NCAM1: variants seen among roughly 807,000 people sequenced by gnomAD.
The protein encoded by NCAM1 is antigen recognized by monoclonal antibody 5.1H11.
A neutral mutation model predicts 109.8 loss-of-function variants in NCAM1; 14 were observed. That is an observed-to-expected ratio of 0.13 (90% confidence interval 0.08 to 0.20). The LOEUF is 0.20. Ranked by LOEUF, NCAM1 falls within the 10% of genes least tolerant of loss-of-function variation. The pLI is 1.00. For synonymous variants in NCAM1, 418 were observed against 442.9 expected (o/e 0.94, Z 0.70); for missense variants, 774 against 1,109.9 (o/e 0.70, Z 4.30).
At chr11:113,047,285 T>C (rs1315992890) in intron 1 of NCAM1, among the ~76,000 whole-genome samples, 2 of 151,920 alleles carry the variant, frequency 1.3e-5, no homozygotes, top group Non-Finnish European at 2.9e-5. Flanking sequence ...CTCCATGTAA[T>C]AAAATCATGA....
intron 1 of NCAM1, among the ~76,000 whole-genome samples, chr11:113,123,959 A>G (rs1261877): frequency 0.75 from 114,104 of 151,970 alleles, 43,207 homozygotes; most frequent in Middle Eastern, 0.87. Context: ...TTGCCTGCTC[A>G]GGGTGGTTGG....
At position 113,273,003 on chromosome 11, in the gene NCAM1, G is replaced by T. The variant is rs1555125794; in HGVS notation, c.2456+1127G>T. The T allele has an allele frequency of 2.2e-6, 1 of 456,830 alleles. No individual in the cohort carries two copies. Among genetic ancestry groups the T allele is most frequent in the Admixed American group, 2.3e-5 (1 of 42,578 alleles). The allele number at this position is 456,830 out of a possible 1,614,324, so 28.3% of individuals were successfully genotyped here. ...TGTCACCACCGTCACCACTAACTCTGACACTATCACCGAAACCTTTGCCAC... is the reference window on the plus strand; with the variant it reads ...TGTCACCACCGTCACCACTAACTCTTACACTATCACCGAAACCTTTGCCAC... On this transcript the variant is annotated intron_variant, in intron 19 of 19. Transcript: ENST00000316851. The surrounding 1 kb of genome is among the most constrained non-coding windows in gnomAD (Gnocchi z 6.0).
intron 2 of NCAM1, among the ~76,000 whole-genome samples, chr11:113,203,825 C>A (rs1464431359): frequency 6.6e-6 from 1 of 152,222 alleles, no homozygotes; most frequent in Non-Finnish European, 1.5e-5. Context: ...GTATTTCTCG[C>A]CTTCATCTCA....
intron 1 of NCAM1, among the ~76,000 whole-genome samples, chr11:113,184,888 T>C (rs1313205535): frequency 6.6e-6 from 1 of 152,046 alleles, no homozygotes; most frequent in African/African-American, 2.4e-5. Flanking sequence ...TTTTATATTA[T>C]ATCCATTTTG....
In NCAM1 at chr11:113,015,879, A is replaced by G. The variant is rs143241728; in HGVS notation, c.52+54215A>G. ...GTGCCTCTGTCTTAGGATGTTTGTCATAAAAGGAGGGCATAGAGAAGAATG... is the reference window on the plus strand; with the variant it reads ...GTGCCTCTGTCTTAGGATGTTTGTCGTAAAAGGAGGGCATAGAGAAGAATG... On this transcript the variant is annotated intron_variant, in intron 1 of 19. Transcript: ENST00000316851. Among the ~76,000 whole-genome samples, 214 of 152,308 alleles carry G rather than the reference A, an allele frequency of 1.4e-3. 2 individuals carry two copies. The highest frequency in any genetic ancestry group is 5.0e-3 in the African/African-American group (209 of 41,556).
chr11:113,103,136 G>C (rs1206760886), intron 1 of NCAM1, among the ~76,000 whole-genome samples: 1 of 152,134 alleles, frequency 6.6e-6, no homozygotes, highest in African/African-American at 2.4e-5. Context: ...TAGCACTTTG[G>C]CTGTTGTCAG....
rs565028725 is a variant in NCAM1, at chr11:113,239,278, G to T, written c.1825+4114G>T. Among the ~76,000 whole-genome samples, 16 of 152,254 alleles carry T rather than the reference G, an allele frequency of 1.1e-4. No homozygotes were observed. In the South Asian group the frequency reaches 3.3e-3, roughly 32 times the overall value. ...TATTTTTTAAGCCAAATGTCTGCAT[G>T]CCATCAAGACACTCAGGAGGAAAGC... On this transcript the variant is annotated intron_variant, in intron 14 of 19. Transcript: ENST00000316851.
intron 1 of NCAM1, among the ~76,000 whole-genome samples, chr11:113,001,022 C>T (rs1394782758): frequency 6.6e-6 from 1 of 151,974 alleles, no homozygotes; most frequent in Non-Finnish European, 1.5e-5. Flanking sequence ...CGTGCTGCCC[C>T]AAATCCCAAA....
At chr11:113,110,885 G>A (rs2135951847) in intron 1 of NCAM1, among the ~76,000 whole-genome samples, 1 of 152,202 alleles carries the variant, frequency 6.6e-6, no homozygotes, top group Middle Eastern at 3.4e-3. Flanking sequence ...CCTCAGTAAT[G>A]GTAGTACTAA....
intron 1 of NCAM1, among the ~76,000 whole-genome samples, chr11:113,040,432 G>A (rs530890108): frequency 4.6e-5 from 7 of 152,250 alleles, no homozygotes; most frequent in Admixed American, 3.3e-4. Flanking sequence ...TCAGTAATGG[G>A]CAAATTGTAA....
intron 8 of NCAM1, among the ~76,000 whole-genome samples, chr11:113,220,346 C>A (rs1227541138): frequency 6.6e-6 from 1 of 152,164 alleles, no homozygotes; most frequent in Non-Finnish European, 1.5e-5. Context: ...CTGTTAAGGA[C>A]TGGAGCCCTC....
At chr11:113,219,599 C>G (rs1022186461) in intron 8 of NCAM1, among the ~76,000 whole-genome samples, 1 of 152,098 alleles carries the variant, frequency 6.6e-6, no homozygotes, top group Non-Finnish European at 1.5e-5. Flanking sequence ...TTGTTAGGGC[C>G]GAGATATTTC....
chr11:113,259,266 T>C (rs1426345314), intron 16 of NCAM1, among the ~76,000 whole-genome samples: 2 of 151,864 alleles, frequency 1.3e-5, no homozygotes, highest in Non-Finnish European at 2.9e-5. Context: ...TTAGCCGGGA[T>C]GGTCTCGATC....
At chr11:113,063,583 G>A (rs1175862742) in intron 1 of NCAM1, among the ~76,000 whole-genome samples, 1 of 152,164 alleles carries the variant, frequency 6.6e-6, no homozygotes, top group Non-Finnish European at 1.5e-5. Context: ...CAGTTCTCAT[G>A]GCACTGAGGA....
intron 1 of NCAM1, among the ~76,000 whole-genome samples, chr11:113,170,977 T>G (rs1390682863): frequency 6.6e-6 from 1 of 152,198 alleles, no homozygotes; most frequent in Non-Finnish European, 1.5e-5. Flanking sequence ...TAAAATACAG[T>G]GACTTGATCT....
At chr11:113,216,241 T>TG (rs1330440860) in intron 8 of NCAM1, among the ~76,000 whole-genome samples, 5 of 138,922 alleles carry the variant, frequency 3.6e-5, no homozygotes, top group Admixed American at 2.4e-4. Flanking sequence ...CTCCGCCCCC[T>TG]GGGGTTCCCG....
intron 1 of NCAM1, among the ~76,000 whole-genome samples, chr11:113,070,083 G>C (rs1938189719): frequency 6.6e-6 from 1 of 152,112 alleles, no homozygotes; most frequent in South Asian, 2.1e-4. Flanking sequence ...GGAGGGGAGT[G>C]GTTCAGGCTG....
chr11:113,124,312 G>A (rs1941090537), intron 1 of NCAM1, among the ~76,000 whole-genome samples: 1 of 152,154 alleles, frequency 6.6e-6, no homozygotes. Flanking sequence ...TCAATCATTA[G>A]TACTCTGTAG....
In NCAM1 at chr11:113,119,800, C is replaced by T. The variant is rs142299481; in HGVS notation, c.53-82579C>T. 1.0e-3 allele frequency among the ~76,000 whole-genome samples: 152 copies of T among 152,202 alleles called. 1 individual carries two copies. Among genetic ancestry groups the T allele is most frequent in the African/African-American group, 3.5e-3 (147 of 41,514 alleles). On this transcript the variant is annotated intron_variant, in intron 1 of 19. Coordinates refer to ENST00000316851, the MANE Select transcript of NCAM1 (RefSeq NM_181351.5). ...CACGTTGAAATTTTCCTATAAAATACTATTTTAATGTATTAGAGATAAACA... is the reference window on the plus strand; with the variant it reads ...CACGTTGAAATTTTCCTATAAAATATTATTTTAATGTATTAGAGATAAACA...
Sources: gnomAD v4.1 joint callset for allele counts (sites outside exome capture counted in the v4.1 genomes callset) on GRCh38, gnomAD v4.1.1 for gene constraint, Gnocchi (gnomAD v3.1) non-coding constraint, MANE v1.5 for transcripts, NCBI Gene and HGNC (gene_info 2026-07-23, HGNC 2026-07-21) for gene names.